Variants in CAMKMT observed in about 807,000 individuals in gnomAD.
The protein encoded by CAMKMT is calmodulin-lysine N-methyltransferase.
A neutral mutation model predicts 48.0 loss-of-function variants in CAMKMT; 53 were observed. That is an observed-to-expected ratio of 1.10 (90% CI 0.89 to 1.39). CAMKMT has a LOEUF of 1.39. CAMKMT is among the 40% of genes most tolerant of loss of function. The pLI is 0.00. For missense variants in CAMKMT, 428 were observed against 402.7 expected, an observed-to-expected ratio of 1.06 and a Z score of -0.54; for synonymous variants, 165 against 152.3, an observed-to-expected ratio of 1.08 and a Z score of -0.61.
intron 3 of CAMKMT, among the ~76,000 whole-genome samples, chr2:44,574,004 G>C (rs573350811): frequency 2.0e-5 from 3 of 152,178 alleles, no homozygotes; most frequent in African/African-American, 7.2e-5. Flanking sequence ...ATTTTTTCTT[G>C]AGTGTTTTTA....
chr2:44,723,646 AAATAAAT>A (rs869273267), intron 7 of CAMKMT: 2 of 144,770 alleles, frequency 1.4e-5, no homozygotes, highest in African/African-American at 5.5e-5. Flanking sequence ...ATAAATAAAT[AAATAAAT>A]AAAATAATAA....
chr2:44,372,645 T>G, intron 1 of CAMKMT, 71 bp from the exon 2 acceptor site: 1 of 1,416,982 alleles, frequency 7.1e-7, no homozygotes, highest in East Asian at 2.3e-5. Context: ...ACTTAAATTT[T>G]GAACATTTTG....
intron 6 of CAMKMT, among the ~76,000 whole-genome samples, 194 bp from the exon 7 acceptor site, chr2:44,715,093 T>C (rs1305388099): frequency 6.7e-6 from 1 of 149,786 alleles, no homozygotes; most frequent in Non-Finnish European, 1.5e-5. Context: ...CTAGGGAGGC[T>C]GAGGTGGGAG....
At chr2:44,636,350 C>T (rs990486322) in intron 3 of CAMKMT, among the ~76,000 whole-genome samples, 10 of 152,098 alleles carry the variant, frequency 6.6e-5, no homozygotes, top group African/African-American at 2.4e-4. Context: ...ACACAATTAC[C>T]AGAGTTAGGA....
chr2:44,593,824 C>T (rs910874963), intron 3 of CAMKMT, among the ~76,000 whole-genome samples: 18 of 133,548 alleles, frequency 1.3e-4, no homozygotes, highest in Admixed American at 9.2e-4. Context: ...AGTGCAATGG[C>T]GTGATCTCAG....
rs569161927 is a variant in CAMKMT at position 44,460,215 on chromosome 2, C to G, written c.376+69910C>G. 2.4e-3 allele frequency among the ~76,000 whole-genome samples: 364 copies of G among 152,234 alleles called. 1 individual carries two copies. The highest frequency in any genetic ancestry group is 3.6e-3 in the Non-Finnish European group (248 of 68,002). On this transcript the variant is annotated intron_variant, in intron 3 of 10. Transcript: ENST00000378494. Reference sequence around the variant, plus strand: ...TAGTTAACAGAAGAGGGAAAAAAAGCCATGGCTACCTTCATTTTGTTGTTA... The same window carrying G: ...TAGTTAACAGAAGAGGGAAAAAAAGGCATGGCTACCTTCATTTTGTTGTTA...
chr2:44,630,225 C>T (rs1340789960), intron 3 of CAMKMT, among the ~76,000 whole-genome samples: 352 of 150,478 alleles, frequency 2.3e-3, no homozygotes, highest in Middle Eastern at 0.017. Context: ...CCCTTCCTTA[C>T]ACCTTATACA....
At position 44,420,837 on chromosome 2, in the gene CAMKMT, T is replaced by C. The variant is rs531957473; in HGVS notation, c.376+30532T>C. ...CTAGCAGAAGCTTACTTTTTTTTTT[T>C]CCCCCCTTGGGTAATTTTTTTTAAT... is the stretch of plus-strand genomic sequence containing the variant. On this transcript the variant is annotated intron_variant, in intron 3 of 10. Transcript: ENST00000378494. Among the ~76,000 whole-genome samples the C allele has an allele frequency of 1.4e-3, 211 of 151,248 alleles. 1 individual carries two copies. The highest frequency in any genetic ancestry group is 0.01 in the South Asian group (48 of 4,778).
At chr2:44,508,234 T>C (rs1426918753) in intron 3 of CAMKMT, among the ~76,000 whole-genome samples, 7 of 152,186 alleles carry the variant, frequency 4.6e-5, no homozygotes, top group Non-Finnish European at 1.0e-4. Context: ...CAGTGCCTTA[T>C]TCAGCATCAA....
At chr2:44,490,848 T>G (rs907657263) in intron 3 of CAMKMT, among the ~76,000 whole-genome samples, 1 of 152,042 alleles carries the variant, frequency 6.6e-6, no homozygotes, top group African/African-American at 2.4e-5. Context: ...TGAAGTCATT[T>G]AGGAATGATA....
chr2:44,398,129 C>T (rs1051164423), intron 3 of CAMKMT, among the ~76,000 whole-genome samples: 1 of 152,146 alleles, frequency 6.6e-6, no homozygotes, highest in South Asian at 2.1e-4. Flanking sequence ...AGTACTGTCC[C>T]GTTTAATAAT....
chr2:44,456,658 C>T, intron 3 of CAMKMT: 1 of 1,530,734 alleles, frequency 6.5e-7, no homozygotes, highest in Non-Finnish European at 8.8e-7. Flanking sequence ...GGAGATGGGA[C>T]TTATAAGAAA....
At chr2:44,459,055 G>A (rs1289641937) in intron 3 of CAMKMT, among the ~76,000 whole-genome samples, 2 of 151,638 alleles carry the variant, frequency 1.3e-5, no homozygotes, top group Non-Finnish European at 2.9e-5. Context: ...CTAACTTATT[G>A]TGGGATCTGG....
intron 7 of CAMKMT, among the ~76,000 whole-genome samples, chr2:44,721,944 T>A (rs925134703): frequency 3.9e-5 from 6 of 152,214 alleles, no homozygotes; most frequent in Non-Finnish European, 8.8e-5. Flanking sequence ...CACTGATCTA[T>A]GTTCTGTTGC....
At chr2:44,420,676 C>T (rs1259857785) in intron 3 of CAMKMT, among the ~76,000 whole-genome samples, 1 of 151,888 alleles carries the variant, frequency 6.6e-6, no homozygotes. Flanking sequence ...TGCATTATTA[C>T]TAAACCCTAG....
At chr2:44,586,905 G>A (rs1055024254) in intron 3 of CAMKMT, among the ~76,000 whole-genome samples, 3 of 152,154 alleles carry the variant, frequency 2.0e-5, no homozygotes, top group African/African-American at 7.2e-5. Flanking sequence ...CCAGAGGGGT[G>A]GTTCTATTTT....
At chr2:44,634,747 T>C (rs1040155205) in intron 3 of CAMKMT, among the ~76,000 whole-genome samples, 22 of 132,406 alleles carry the variant, frequency 1.7e-4, no homozygotes, top group Non-Finnish European at 3.4e-4. Flanking sequence ...GGTAGAAGTA[T>C]TTATGAAGCA....
intron 3 of CAMKMT, among the ~76,000 whole-genome samples, chr2:44,636,407 G>A (rs149858919): frequency 3.1e-4 from 47 of 152,284 alleles, no homozygotes; most frequent in Admixed American, 8.5e-4. Context: ...AACCAGTCCC[G>A]AGGAAAACCT....
intron 3 of CAMKMT, among the ~76,000 whole-genome samples, chr2:44,621,985 G>A (rs2103936328): frequency 6.6e-6 from 1 of 152,248 alleles, no homozygotes. Context: ...AAAGGTGATG[G>A]ATTAGATGTG....
Sources: gnomAD v4.1 joint callset for allele counts (sites outside exome capture counted in the v4.1 genomes callset) on GRCh38, gnomAD v4.1.1 for gene constraint, MANE v1.5 for transcripts, NCBI Gene and HGNC (gene_info 2026-07-23, HGNC 2026-07-21) for gene names.